The following CPXM2 variants were observed in gnomAD, a reference collection of about 807,000 sequenced individuals.
The protein encoded by CPXM2 is carboxypeptidase X, M14 family member 2.
CPXM2 carries 66 observed loss-of-function variants against 86.1 expected under a neutral mutation model. That is an observed-to-expected ratio of 0.77 (90% CI 0.63 to 0.94). The LOEUF (loss-of-function observed/expected upper bound fraction) is 0.94, where lower values mean the gene tolerates loss of function less well. CPXM2 is among the 40% of genes least tolerant of loss of function. The pLI is 0.00. For synonymous variants in CPXM2, 388 were observed against 400.2 expected, an observed-to-expected ratio of 0.97 and a Z score of 0.36; for missense variants, 948 against 1,026.3, an observed-to-expected ratio of 0.92 and a Z score of 1.04.
chr10:123,833,165 C>T (rs1031820796), intron 4 of CPXM2, among the ~76,000 whole-genome samples: 18 of 152,170 alleles, frequency 1.2e-4, no homozygotes, highest in African/African-American at 4.1e-4. Flanking sequence ...GGTTAAGCCA[C>T]GTTACTTGGG....
chr10:123,932,233 GT>G (rs1389061080), intron 2 of CPXM2, among the ~76,000 whole-genome samples: 3 of 152,178 alleles, frequency 2.0e-5, no homozygotes, highest in Non-Finnish European at 1.5e-5. Flanking sequence ...TCTTCTGTGT[GT>G]ATAGGGTGGT....
In CPXM2 at chr10:123,835,045, A is replaced by C. The variant is rs562232511; in HGVS notation, c.653+7304T>G. On this transcript the variant is annotated intron_variant, in intron 4 of 13. Transcript: ENST00000241305. ...TTGCACAACTGCTGAATCATGCACCAAATAAACCTCTTTTCTTTATAAATT... is the reference window on the plus strand; with the variant it reads ...TTGCACAACTGCTGAATCATGCACCCAATAAACCTCTTTTCTTTATAAATT... Among the ~76,000 whole-genome samples the C allele has an allele frequency of 2.6e-5, 4 of 152,326 alleles. No individual in the cohort carries two copies. The East Asian group carries it at 5.8e-4, about 22-fold the overall frequency.
chr10:123,904,516 G>A (rs1038614352), intron 2 of CPXM2, among the ~76,000 whole-genome samples: 2 of 152,138 alleles, frequency 1.3e-5, no homozygotes, highest in African/African-American at 2.4e-5. Context: ...TTGGATCAGG[G>A]CCTCGACGTC....
chr10:123,807,476 C>G (rs77248066), intron 4 of CPXM2, among the ~76,000 whole-genome samples: 1,544 of 152,290 alleles, frequency 0.01, 20 homozygotes, highest in African/African-American at 0.035. Flanking sequence ...AGTCCTGCTC[C>G]TCTCCCTGCA....
intron 2 of CPXM2, among the ~76,000 whole-genome samples, chr10:123,898,395 A>G (rs1037262852): frequency 6.6e-6 from 1 of 152,200 alleles, no homozygotes; most frequent in Non-Finnish European, 1.5e-5. Flanking sequence ...TCAAGGCTGT[A>G]GTACTCTATA....
intron 2 of CPXM2, among the ~76,000 whole-genome samples, chr10:123,929,436 C>A (rs901774082): frequency 6.6e-6 from 1 of 152,144 alleles, no homozygotes; most frequent in Admixed American, 6.5e-5. Context: ...CAGTCTTTGA[C>A]AAAAGTGAAA....
intron 6 of CPXM2, among the ~76,000 whole-genome samples, chr10:123,787,490 C>A (rs189212907): frequency 6.6e-6 from 1 of 152,124 alleles, no homozygotes; most frequent in Non-Finnish European, 1.5e-5. Flanking sequence ...CCCACCACCA[C>A]GCCCGGCTAA....
intron 3 of CPXM2, among the ~76,000 whole-genome samples, chr10:123,857,470 AGT>A (rs913585165): frequency 2.6e-5 from 4 of 152,214 alleles, no homozygotes; most frequent in Admixed American, 1.3e-4. Context: ...TGCTCAAAAC[AGT>A]GTTTAAATAC....
intron 6 of CPXM2, among the ~76,000 whole-genome samples, chr10:123,785,668 CAT>C (rs1215465236): frequency 6.8e-6 from 1 of 147,724 alleles, no homozygotes; most frequent in Non-Finnish European, 1.5e-5. Flanking sequence ...CAGTCTTGCT[CAT>C]TGCCCAGGCT....
intron 6 of CPXM2, among the ~76,000 whole-genome samples, chr10:123,782,679 A>C (rs545036874): frequency 6.6e-6 from 1 of 152,340 alleles, no homozygotes; most frequent in East Asian, 1.9e-4. Context: ...CCGGTTAGTC[A>C]TCTAAGCCTG....
At chr10:123,797,157 A>ACCCCC (rs1847351360) in intron 6 of CPXM2, among the ~76,000 whole-genome samples, 1 of 152,228 alleles carries the variant, frequency 6.6e-6, no homozygotes, top group Admixed American at 6.5e-5. Flanking sequence ...ATCTCATGTG[A>ACCCCC]AAATAAGGCA....
At position 123,801,570 on chromosome 10, in the gene CPXM2, T is replaced by C. The variant is rs115893520; in HGVS notation, c.654-2371A>G. 3.0e-3 allele frequency among the ~76,000 whole-genome samples: 458 copies of C among 152,302 alleles called. 2 individuals carry two copies. The highest frequency in any genetic ancestry group is 0.011 in the African/African-American group (445 of 41,572). On this transcript the variant is annotated intron_variant, in intron 4 of 13. Coordinates refer to ENST00000241305, the MANE Select transcript of CPXM2 (RefSeq NM_198148.3). ...GTTCACTCTCTCAGGCCCCCTGGCA[T>C]CTAAATTGCTCCCCCATCTATCTTG...
intron 2 of CPXM2, among the ~76,000 whole-genome samples, chr10:123,938,730 C>A (rs1016517180): frequency 6.6e-6 from 1 of 152,324 alleles, no homozygotes; most frequent in East Asian, 1.9e-4. Flanking sequence ...TGCAGATACT[C>A]AGGGCCACCC....
intron 7 of CPXM2, among the ~76,000 whole-genome samples, chr10:123,776,481 G>C (rs927091239): frequency 6.6e-6 from 1 of 152,208 alleles, no homozygotes; most frequent in African/African-American, 2.4e-5. Flanking sequence ...TTTTCATAAA[G>C]ATGGTAAAAT....
chr10:123,776,396 G>T (rs917995795), intron 7 of CPXM2, among the ~76,000 whole-genome samples: 3 of 152,148 alleles, frequency 2.0e-5, no homozygotes, highest in African/African-American at 7.2e-5. Context: ...TGAATCCCAG[G>T]CTCTGCTGCT....
At chr10:123,818,237 T>G (rs193214598) in intron 4 of CPXM2, among the ~76,000 whole-genome samples, 50 of 152,318 alleles carry the variant, frequency 3.3e-4, no homozygotes, top group African/African-American at 1.2e-3. Context: ...GCCACCCCTG[T>G]AATCGCCCAA....
intron 4 of CPXM2, among the ~76,000 whole-genome samples, chr10:123,814,807 T>G (rs978361926): frequency 6.6e-6 from 1 of 152,288 alleles, no homozygotes; most frequent in East Asian, 1.9e-4. Context: ...ACAGATCACC[T>G]GAGGTCAGGA....
intron 2 of CPXM2, among the ~76,000 whole-genome samples, chr10:123,922,825 G>A (rs1462210604): frequency 6.6e-6 from 1 of 152,220 alleles, no homozygotes; most frequent in Non-Finnish European, 1.5e-5. Context: ...ATTGATTCAG[G>A]TCAGAATGAT....
intron 2 of CPXM2, among the ~76,000 whole-genome samples, chr10:123,925,962 C>A (rs369397142): frequency 2.6e-5 from 4 of 152,154 alleles, no homozygotes; most frequent in East Asian, 1.9e-4. Flanking sequence ...CCAGTGAAAT[C>A]TCAGTAACAT....
Sources: allele counts gnomAD v4.1 joint callset (sites outside exome capture counted in the v4.1 genomes callset), GRCh38; gene constraint gnomAD v4.1.1; transcripts MANE v1.5; gene names NCBI Gene and HGNC (gene_info 2026-07-23, HGNC 2026-07-21).